Variants in CPZ observed in about 807,000 individuals in gnomAD.
CPZ encodes VEZT/CPZ fusion.
In CPZ, 103 loss-of-function variants were observed where a neutral mutation model predicts 61.8. The observed-to-expected ratio is 1.67, with a 90% CI of 1.42 to 1.96. The LOEUF (loss-of-function observed/expected upper bound fraction) is 1.96. Among genes scored for constraint, CPZ ranks in the 30% most tolerant of loss-of-function variants. The probability of loss-of-function intolerance (pLI) is 0.00; values close to 1 mark genes in which losing one functional copy is unlikely to be tolerated. For missense variants in CPZ, 1,461 were observed against 914.9 expected (o/e 1.60, Z -7.70); for synonymous variants, 551 against 373.7 (o/e 1.47, Z -5.47).
intron 4 of CPZ, among the ~76,000 whole-genome samples, chr4:8,605,140 G>T (rs947733706): frequency 7.2e-5 from 11 of 152,224 alleles, no homozygotes; most frequent in Non-Finnish European, 1.6e-4. Flanking sequence ...GGCATCTGAG[G>T]AACACGGGTG....
At chr4:8,610,098 A>G (rs970136339) in intron 7 of CPZ, among the ~76,000 whole-genome samples, 1 of 152,208 alleles carries the variant, frequency 6.6e-6, no homozygotes. Context: ...GGGAATGAGC[A>G]TAGCCAGTTT....
intron 7 of CPZ, among the ~76,000 whole-genome samples, chr4:8,610,587 G>A (rs1364243291): frequency 6.6e-6 from 1 of 152,254 alleles, no homozygotes; most frequent in Non-Finnish European, 1.5e-5. Flanking sequence ...AGGCAGGTCA[G>A]AGGTGGGACA....
chr4:8,614,329 C>A (rs1447735045), intron 8 of CPZ, 30 bp from the exon 9 acceptor site: 3 of 1,599,240 alleles, frequency 1.9e-6, no homozygotes, highest in Non-Finnish European at 2.6e-6. Flanking sequence ...GGCTGACACC[C>A]CTGACGTCCC....
rs758195892 is a variant in CPZ, at chr4:8,607,359, C to CT, written c.1162dup (p.Tyr388LeufsTer33). On this transcript the variant is annotated frameshift_variant, in exon 7 of 11. Coordinates refer to ENST00000360986, the MANE Select transcript of CPZ (RefSeq NM_001014447.3). LOFTEE classifies it high-confidence loss of function. ...TTCATGGGGGCGACCTGGTGGTGTC[C>CT]TACCCCTTCGACTTCTCCAAGCACC... 3 of 1,614,088 alleles carry CT rather than the reference C, an allele frequency of 1.9e-6. No homozygotes were observed. Among genetic ancestry groups the CT allele is most frequent in the South Asian group, 2.2e-5 (2 of 91,088 alleles).
At chr4:8,617,290 G>A in intron 9 of CPZ, among the ~76,000 whole-genome samples, 1 of 152,222 alleles carries the variant, frequency 6.6e-6, no homozygotes. Context: ...GAGGCACCCA[G>A]AAGCAAAGGT....
At chr4:8,596,057 T>C (rs1241827959) in intron 1 of CPZ, among the ~76,000 whole-genome samples, 1 of 144,668 alleles carries the variant, frequency 6.9e-6, no homozygotes, top group East Asian at 2.0e-4. Context: ...TGAACTGTTG[T>C]TGCTTTTTTT....
At chr4:8,602,351 T>A (rs1342161724) in intron 3 of CPZ, 4 of 152,330 alleles carry the variant, frequency 2.6e-5, no homozygotes, top group African/African-American at 9.6e-5. Flanking sequence ...CCAAGACAGT[T>A]ACCACTGGCC....
chr4:8,619,007 TG>T (rs1445496464), intron 10 of CPZ, among the ~76,000 whole-genome samples: 1 of 130,780 alleles, frequency 7.6e-6, no homozygotes, highest in Non-Finnish European at 1.6e-5. Context: ...TTGCTAACTG[TG>T]GGGTGGGTAT....
intron 10 of CPZ, among the ~76,000 whole-genome samples, chr4:8,618,825 C>T (rs1264556001): frequency 6.6e-6 from 1 of 152,234 alleles, no homozygotes; most frequent in African/African-American, 2.4e-5. Flanking sequence ...CCACCTCCAC[C>T]CCTAAGCCTG....
chr4:8,610,155 G>A (rs777271816), intron 7 of CPZ, among the ~76,000 whole-genome samples: 3 of 152,174 alleles, frequency 2.0e-5, no homozygotes, highest in Non-Finnish European at 4.4e-5. Context: ...GGTTTCCCAC[G>A]GTCCTCAGCC....
chr4:8,617,910 G>T (rs980603476), intron 9 of CPZ, among the ~76,000 whole-genome samples: 3 of 152,124 alleles, frequency 2.0e-5, no homozygotes, highest in African/African-American at 7.2e-5. Flanking sequence ...GTGTGTTCAG[G>T]ACCAGTTCGT....
chr4:8,614,680 C>T (rs1014760865), intron 9 of CPZ, among the ~76,000 whole-genome samples, 182 bp downstream of exon 9: 2 of 152,222 alleles, frequency 1.3e-5, no homozygotes, highest in East Asian at 1.9e-4. Context: ...GCCGGCTCTC[C>T]TTTGCGTGCT....
At position 8,601,212 on chromosome 4, in the gene CPZ, G is replaced by C; in HGVS notation, c.211G>C (p.Glu71Gln). The C allele has an allele frequency of 1.2e-6, 2 of 1,613,370 alleles. No individual in the cohort carries two copies. The highest frequency in any genetic ancestry group is 1.7e-6 in the Non-Finnish European group (2 of 1,179,876). ...FPNLLQHRSW[E>Q]VVEASSEYIL... is the part of the protein sequence containing the mutation. Reference sequence around the variant, plus strand: ...CAACCTGCTTCAGCACCGGTCGTGGGAGGTGGTGGAGGCCAGCTCCGAGTA... The same window carrying C: ...CAACCTGCTTCAGCACCGGTCGTGGCAGGTGGTGGAGGCCAGCTCCGAGTA... Residue 71 changes from glutamate to glutamine, a missense_variant, in exon 3 of 11, where the codon GAG (glutamate) becomes CAG (glutamine). Glu to Gln is a conservative substitution (Grantham distance 29). Transcript: ENST00000360986.
At position 8,601,970 on chromosome 4, in the gene CPZ, C is replaced by T. The variant is rs993709477; in HGVS notation, c.496+473C>T. ...GGGAGGTCTGGCGGGCAAAGCTTCACGATTGCTCATCGCTGGGCCTGGAAG... is the reference window on the plus strand; with the variant it reads ...GGGAGGTCTGGCGGGCAAAGCTTCATGATTGCTCATCGCTGGGCCTGGAAG... On this transcript the variant is annotated intron_variant, in intron 3 of 10. Transcript: ENST00000360986. 3.2e-5 allele frequency: 5 copies of T among 155,430 alleles called. No individual in the cohort carries two copies. In the East Asian group the frequency reaches 5.7e-4, roughly 18 times the overall value. 9.6% of individuals were successfully genotyped at this position (155,430 alleles called of 1,614,324 possible).
At position 8,614,348 on chromosome 4, in the gene CPZ, C is replaced by G. The variant is rs755166551; in HGVS notation, c.1364-11C>G. The G allele has an allele frequency of 1.9e-6, 3 of 1,611,296 alleles. No homozygotes were observed. Among genetic ancestry groups the G allele is most frequent in the East Asian group, 2.2e-5 (1 of 44,824 alleles). On this transcript the variant is annotated splice_polypyrimidine_tract_variant and intron_variant, in intron 8 of 10. Coordinates refer to ENST00000360986, the MANE Select transcript of CPZ (RefSeq NM_001014447.3). ...GACACCCCTGACGTCCCCGCTGTCTCTGTGCCACAGGCATGTCCGATTTCA... is the reference window on the plus strand; with the variant it reads ...GACACCCCTGACGTCCCCGCTGTCTGTGTGCCACAGGCATGTCCGATTTCA...
At chr4:8,599,163 C>T (rs1249676443) in intron 1 of CPZ, among the ~76,000 whole-genome samples, 1 of 152,246 alleles carries the variant, frequency 6.6e-6, no homozygotes, top group East Asian at 1.9e-4. Flanking sequence ...GGCTTGTGGG[C>T]ACCATGGCCC....
intron 7 of CPZ, among the ~76,000 whole-genome samples, chr4:8,608,441 G>T (rs868530687): frequency 6.6e-6 from 1 of 152,198 alleles, no homozygotes; most frequent in Non-Finnish European, 1.5e-5. Context: ...GAGGCCACCC[G>T]GCCGAGCACA....
At chr4:8,611,430 G>A (rs1715669606) in intron 7 of CPZ, among the ~76,000 whole-genome samples, 1 of 152,188 alleles carries the variant, frequency 6.6e-6, no homozygotes, top group South Asian at 2.1e-4. Context: ...GTCAAGGGTG[G>A]CAGATCCTGT....
At chr4:8,608,004 T>C (rs1436911048) in intron 7 of CPZ, among the ~76,000 whole-genome samples, 2 of 152,140 alleles carry the variant, frequency 1.3e-5, no homozygotes, top group Non-Finnish European at 2.9e-5. Flanking sequence ...GTGATGATGC[T>C]GGGACCCTCC....
Sources: gnomAD v4.1 joint callset for allele counts (sites outside exome capture counted in the v4.1 genomes callset) on GRCh38, gnomAD v4.1.1 for gene constraint, MANE v1.5 for transcripts, NCBI Gene and HGNC (gene_info 2026-07-23, HGNC 2026-07-21) for gene names.